Variants in MMP27 observed in about 807,000 individuals in gnomAD.
MMP27 encodes the protein matrix metalloproteinase-27.
In MMP27, 51 loss-of-function variants were observed where a neutral mutation model predicts 48.1. The observed-to-expected ratio is 1.06, with a 90% CI of 0.85 to 1.34. MMP27 has a LOEUF of 1.34. Ranked by LOEUF, MMP27 falls within the 40% of genes most tolerant of loss-of-function variation. The probability of loss-of-function intolerance (pLI) is 0.00; values close to 1 mark genes in which losing one functional copy is unlikely to be tolerated. For missense variants in MMP27, 698 were observed against 619.3 expected (o/e 1.13, Z -1.35); for synonymous variants, 229 against 208.9 (o/e 1.10, Z -0.83).
At chr11:102,702,153 A>C (rs574106420) in intron 4 of MMP27, among the ~76,000 whole-genome samples, 5 of 152,240 alleles carry the variant, frequency 3.3e-5, no homozygotes, top group African/African-American at 9.6e-5. Context: ...AAATAAAATA[A>C]ACTTACTTGG....
At position 102,702,777 on chromosome 11, in the gene MMP27, C is replaced by T; in HGVS notation, c.595G>A (p.Glu199Lys). The change falls in exon 4 of 10, where the codon GAA becomes AAA. Residue 199 changes from glutamate to lysine, a missense_variant. Transcript: ENST00000260229. ...LGGDTHFDED[E>K]NWTKDGAGFN... The stretch of plus-strand genomic sequence containing the variant: ...CCTGCTCCATCCTTGGTCCAGTTTT[C>T]ATCCTCATCAAAATGAGTGTCACCA... 3.1e-6 allele frequency: 5 copies of T among 1,613,660 alleles called. No individual in the cohort carries two copies. Among genetic ancestry groups the T allele is most frequent in the Non-Finnish European group, 4.2e-6 (5 of 1,179,886 alleles).
chr11:102,694,398 T>C (rs1860783959), intron 7 of MMP27, among the ~76,000 whole-genome samples: 1 of 152,236 alleles, frequency 6.6e-6, no homozygotes, highest in Non-Finnish European at 1.5e-5. Context: ...ATATGTACAA[T>C]TATTATGTCA....
At chr11:102,699,849 C>T (rs1388471867) in intron 4 of MMP27, among the ~76,000 whole-genome samples, 2 of 152,186 alleles carry the variant, frequency 1.3e-5, no homozygotes, top group Admixed American at 1.3e-4. Flanking sequence ...CAATTCTATT[C>T]CTTATGTTGG....
rs566072299 is a variant in MMP27 at position 102,705,690 on chromosome 11, A to G, written c.25T>C (p.Leu9=). 1.6e-5 allele frequency: 26 copies of G among 1,607,244 alleles called. No individual in the cohort carries two copies. The South Asian group carries it at 2.7e-4, about 17-fold the overall frequency. The change falls in exon 1 of 10, where the codon TTG becomes CTG. Residue 9 remains leucine (L), a synonymous_variant. Coordinates refer to ENST00000260229, the MANE Select transcript of MMP27 (RefSeq NM_022122.3). The part of the protein sequence containing the change: MKRLLLLF[L]FFITFSSAFP... ...GCAGAAGAAAATGTTATAAAGAACA[A>G]AAACAGAAGCAGAAGGCGCTTCATT... is the stretch of plus-strand genomic sequence containing the variant.
chr11:102,700,338 A>G (rs781511765), intron 4 of MMP27, among the ~76,000 whole-genome samples: 50 of 152,232 alleles, frequency 3.3e-4, no homozygotes, highest in Admixed American at 1.3e-4. Flanking sequence ...TTATACATTC[A>G]TAGCTTTTCA....
chr11:102,698,228 T>C (rs1435179110), intron 4 of MMP27, among the ~76,000 whole-genome samples: 1 of 152,186 alleles, frequency 6.6e-6, no homozygotes, highest in African/African-American at 2.4e-5. Flanking sequence ...GGCAGCACGG[T>C]AAGTTTGTTT....
chr11:102,702,404 T>C (rs1860956106), intron 4 of MMP27, among the ~76,000 whole-genome samples: 1 of 152,250 alleles, frequency 6.6e-6, no homozygotes, highest in African/African-American at 2.4e-5. Context: ...GGCAGGTATG[T>C]GGGCTGGCCT....
At position 102,696,473 on chromosome 11, in the gene MMP27, G is replaced by C. The variant is rs749659013; in HGVS notation, c.800C>G (p.Pro267Arg). 4 of 1,613,510 alleles carry C rather than the reference G, an allele frequency of 2.5e-6. No individual in the cohort carries two copies. The African/African-American group carries it at 4.0e-5, about 16-fold the overall frequency. ...TATAGTGGGTTCCTTTGGCTTAGCA[G>C]GTTCCTTAGGCAGACCTCCTTTGAT... ...QSIYGGLPKEPAKPKEPTIPH... is the reference protein window; with the variant it reads ...QSIYGGLPKERAKPKEPTIPH... The change falls in exon 6 of 10, where the codon CCT becomes CGT. Residue 267 changes from proline to arginine, a missense_variant. Coordinates refer to ENST00000260229, the MANE Select transcript of MMP27 (RefSeq NM_022122.3).
intron 8 of MMP27, among the ~76,000 whole-genome samples, chr11:102,693,581 G>A (rs541281704): frequency 1.4e-4 from 21 of 152,078 alleles, no homozygotes; most frequent in African/African-American, 4.6e-4. Flanking sequence ...CCAGGAGTTC[G>A]AGACCAGACT....
chr11:102,695,677 TG>T (rs1461961002), intron 6 of MMP27, among the ~76,000 whole-genome samples: 1 of 152,224 alleles, frequency 6.6e-6, no homozygotes, highest in Non-Finnish European at 1.5e-5. Context: ...GATATATTCA[TG>T]GGTGAAAGGA....
intron 9 of MMP27, 52 bp downstream of exon 9, chr11:102,692,884 TCA>T: frequency 6.9e-7 from 1 of 1,451,532 alleles, no homozygotes. Flanking sequence ...CTGTCTTTTT[TCA>T]CAGTCAACAC....
At chr11:102,698,423 G>C (rs1860874670) in intron 4 of MMP27, among the ~76,000 whole-genome samples, 1 of 151,798 alleles carries the variant, frequency 6.6e-6, no homozygotes, top group African/African-American at 2.4e-5. Context: ...GAAAAATATA[G>C]CCTAGGGTAA....
intron 4 of MMP27, among the ~76,000 whole-genome samples, chr11:102,700,600 G>T (rs1050739011): frequency 6.6e-6 from 1 of 152,220 alleles, no homozygotes; most frequent in Non-Finnish European, 1.5e-5. Context: ...TACTTGACTT[G>T]CCCCGGGTCC....
intron 9 of MMP27, 51 bp downstream of exon 9, chr11:102,692,887 C>T (rs116922372): frequency 0.045 from 65,010 of 1,446,494 alleles, 1,738 homozygotes; most frequent in Non-Finnish European, 0.051. Context: ...TCTTTTTTCA[C>T]AGTCAACACA....
Position 102,699,484 on chromosome 11 carries a change from A to ATAC in MMP27, c.620-2650_620-2649insGTA, listed in dbSNP as rs1565427950. Among the ~76,000 whole-genome samples the ATAC allele has an allele frequency of 8.2e-3, 1,232 of 151,090 alleles. 24 individuals carry two copies. Among genetic ancestry groups the ATAC allele is most frequent in the African/African-American group, 0.029 (1,168 of 40,978 alleles). On this transcript the variant is annotated intron_variant, in intron 4 of 9. Transcript: ENST00000260229. ...CCCGGTCTCAAAAAATAAATAAATA[A>ATAC]ATACATACATACATACATAAAGTCC...
At chr11:102,698,510 C>T (rs1292123071) in intron 4 of MMP27, among the ~76,000 whole-genome samples, 2 of 151,938 alleles carry the variant, frequency 1.3e-5, no homozygotes, top group African/African-American at 4.8e-5. Flanking sequence ...GGGGTTGTTG[C>T]TAGACTACAG....
chr11:102,700,261 G>A (rs747403043), intron 4 of MMP27, among the ~76,000 whole-genome samples: 14 of 152,204 alleles, frequency 9.2e-5, no homozygotes, highest in Non-Finnish European at 1.8e-4. Context: ...GCCATATGAC[G>A]CTGTAGGTAA....
chr11:102,705,180 T>A (rs755060764), intron 1 of MMP27, among the ~76,000 whole-genome samples: 2 of 152,268 alleles, frequency 1.3e-5, no homozygotes, highest in Non-Finnish European at 2.9e-5. Flanking sequence ...TTTGCACATG[T>A]ATTTGCTTTA....
chr11:102,702,377 C>T (rs1237796144), intron 4 of MMP27, among the ~76,000 whole-genome samples: 1 of 152,216 alleles, frequency 6.6e-6, no homozygotes, highest in African/African-American at 2.4e-5. Context: ...CAACACAAAA[C>T]ATCTTCTGCC....
Sources: allele counts gnomAD v4.1 joint callset (sites outside exome capture counted in the v4.1 genomes callset), GRCh38; gene constraint gnomAD v4.1.1; transcripts MANE v1.5; gene names NCBI Gene and HGNC (gene_info 2026-07-23, HGNC 2026-07-21).